GALNT2: variants seen among roughly 807,000 people sequenced by gnomAD.
The protein encoded by GALNT2 is polypeptide N-acetylgalactosaminyltransferase 2.
Under a neutral mutation model 81.4 loss-of-function variants are expected in GALNT2, and 31 were observed. The observed-to-expected ratio is 0.38, with a 90% CI of 0.29 to 0.51. GALNT2 has a LOEUF of 0.51. Ranked by LOEUF, GALNT2 falls within the 20% of genes least tolerant of loss-of-function variation. The probability of loss-of-function intolerance (pLI) is 0.87; values close to 1 mark genes in which losing one functional copy is unlikely to be tolerated. For missense variants in GALNT2, 629 were observed against 765.7 expected, an observed-to-expected ratio of 0.82 and a Z score of 2.11; for synonymous variants, 303 against 287.4, an observed-to-expected ratio of 1.05 and a Z score of -0.55.
At chr1:230,209,709 G>A (rs1664174739) in intron 3 of GALNT2, among the ~76,000 whole-genome samples, 1 of 152,146 alleles carries the variant, frequency 6.6e-6, no homozygotes, top group Non-Finnish European at 1.5e-5. Context: ...TGGGCATAGT[G>A]GCTCACACTT....
chr1:230,110,036 A>G (rs990135241), intron 1 of GALNT2, among the ~76,000 whole-genome samples: 2 of 152,150 alleles, frequency 1.3e-5, no homozygotes, highest in Admixed American at 6.5e-5. Context: ...TAGCACTGGG[A>G]GCCACGGCGT....
intron 14 of GALNT2, among the ~76,000 whole-genome samples, chr1:230,268,105 T>G (rs1309228230): frequency 1.3e-5 from 2 of 152,094 alleles, no homozygotes; most frequent in Non-Finnish European, 2.9e-5. Context: ...AGAACCATAG[T>G]GAAAATCCAC....
chr1:230,134,120 T>TG (rs1292666037), intron 1 of GALNT2, among the ~76,000 whole-genome samples: 3 of 132,934 alleles, frequency 2.3e-5, no homozygotes, highest in African/African-American at 6.0e-5. Context: ...CTGTTTTTTT[T>TG]TTTTTTTTTG....
Position 230,243,503 on chromosome 1 carries a change from G to A in GALNT2, c.729+76G>A. The A allele has an allele frequency of 6.4e-7, 1 of 1,558,438 alleles. No individual in the cohort carries two copies. Among genetic ancestry groups the A allele is most frequent in the Non-Finnish European group, 8.6e-7 (1 of 1,157,528 alleles). On this transcript the variant is annotated intron_variant, in intron 7 of 15. Coordinates refer to ENST00000366672, the MANE Select transcript of GALNT2 (RefSeq NM_004481.5). This position sits in a 1 kb window ranked among gnomAD's most constrained non-coding sequence, Gnocchi z 4.2. ...GGGGACAGAAGGGAGCATGGTCCAG[G>A]GGAGGTGTAACGCAGGGAGTAGGGC...
chr1:230,098,303 A>G (rs1052535544), intron 1 of GALNT2, among the ~76,000 whole-genome samples: 1 of 151,950 alleles, frequency 6.6e-6, no homozygotes, highest in Non-Finnish European at 1.5e-5. Flanking sequence ...CTCTGTTTGT[A>G]TGTAGTGTGA....
rs1290576785 is a variant in GALNT2 at position 230,067,418 on chromosome 1, G to A, written c.126+12G>A. 4.3e-5 allele frequency: 49 copies of A among 1,136,594 alleles called. No homozygotes were observed. The highest frequency in any genetic ancestry group is 3.9e-5 in the Non-Finnish European group (35 of 903,196). 70.4% of individuals were successfully genotyped at this position (1,136,594 alleles called of 1,614,324 possible). On this transcript the variant is annotated intron_variant, in intron 1 of 15. Transcript: ENST00000366672. ...GCGCCGGCAGGAAGGTGAGTGGAGC[G>A]CCCTGCCGCGGCCGGGCCCCTGCGC...
rs1663604649 is a variant in GALNT2 at position 230,193,877 on chromosome 1, G to C, written c.221-9260G>C. On this transcript the variant is annotated intron_variant, in intron 2 of 15. Transcript: ENST00000366672. This position sits in a 1 kb window ranked among gnomAD's most constrained non-coding sequence, Gnocchi z 4.3. ...GTCCTAGAGTGTCAGCCACAGAGCT[G>C]ATGCTGGCGGGGCCCCGAGCAGCCT... Among the ~76,000 whole-genome samples, 1 of 152,192 alleles carries C rather than the reference G, an allele frequency of 6.6e-6. No individual in the cohort carries two copies. Among genetic ancestry groups the C allele is most frequent in the African/African-American group, 2.4e-5 (1 of 41,450 alleles).
chr1:230,174,660 G>T (rs943120236), intron 1 of GALNT2, among the ~76,000 whole-genome samples: 1 of 151,976 alleles, frequency 6.6e-6, no homozygotes, highest in African/African-American at 2.4e-5. Flanking sequence ...TCTCCGCTCT[G>T]TCCCTCCGGG....
At chr1:230,161,514 C>A (rs1160301241) in intron 1 of GALNT2, among the ~76,000 whole-genome samples, 3 of 152,222 alleles carry the variant, frequency 2.0e-5, no homozygotes, top group African/African-American at 7.2e-5. Context: ...GTCCAGTCCC[C>A]AAAATCCATT....
At chr1:230,167,964 C>CT (rs1662666364) in intron 1 of GALNT2, among the ~76,000 whole-genome samples, 1 of 151,858 alleles carries the variant, frequency 6.6e-6, no homozygotes, top group Admixed American at 6.6e-5. Flanking sequence ...CTAAAATACC[C>CT]CCCCCTTTTT....
intron 1 of GALNT2, among the ~76,000 whole-genome samples, chr1:230,088,166 A>G (rs1188591384): frequency 2.0e-5 from 3 of 152,090 alleles, no homozygotes; most frequent in Admixed American, 2.0e-4. Context: ...TTAAGTGTAC[A>G]GTTTTGTAGT....
intron 9 of GALNT2, 148 bp downstream of exon 9, chr1:230,249,419 C>T: frequency 1.6e-6 from 1 of 637,270 alleles, no homozygotes; most frequent in Non-Finnish European, 2.8e-6. Context: ...AAGATGAGCA[C>T]CTTCCACCAG....
chr1:230,221,140 A>G (rs1408274658), intron 3 of GALNT2, among the ~76,000 whole-genome samples: 1 of 152,074 alleles, frequency 6.6e-6, no homozygotes, highest in African/African-American at 2.4e-5. Flanking sequence ...CAATGACAGT[A>G]AAATGACACT....
intron 1 of GALNT2, among the ~76,000 whole-genome samples, chr1:230,089,399 C>T (rs1272338208): frequency 1.3e-5 from 2 of 151,710 alleles, no homozygotes; most frequent in Non-Finnish European, 2.9e-5. Context: ...GTGATGTGCC[C>T]ACCTCGGCCT....
At chr1:230,171,536 A>G (rs72651069) in intron 1 of GALNT2, among the ~76,000 whole-genome samples, 5 of 152,202 alleles carry the variant, frequency 3.3e-5, no homozygotes, top group South Asian at 2.1e-4. Flanking sequence ...GCCTCTGACC[A>G]TATGTTCTAG....
chr1:230,061,482 G>C (rs1490426064), intron 1 of GALNT2, among the ~76,000 whole-genome samples: 1 of 152,014 alleles, frequency 6.6e-6, no homozygotes, highest in African/African-American at 2.4e-5. Context: ...GCACATAGCT[G>C]GCATACTTTG....
intron 12 of GALNT2, 63 bp from the exon 13 acceptor site, chr1:230,262,859 T>A: frequency 6.6e-7 from 1 of 1,520,846 alleles, no homozygotes; most frequent in Non-Finnish European, 9.1e-7. Context: ...ATTTTCAAGT[T>A]TGATGTAGAA....
chr1:230,187,554 T>C (rs1156352792), intron 2 of GALNT2, among the ~76,000 whole-genome samples: 1 of 152,200 alleles, frequency 6.6e-6, no homozygotes, highest in Non-Finnish European at 1.5e-5. Flanking sequence ...TACAGTGTGC[T>C]CTTAGATTTG....
At chr1:230,171,357 C>T (rs1303576891) in intron 1 of GALNT2, among the ~76,000 whole-genome samples, 1 of 152,198 alleles carries the variant, frequency 6.6e-6, no homozygotes, top group Non-Finnish European at 1.5e-5. Context: ...ATTATTACAT[C>T]ATTTAAAAAT....
Sources: gnomAD v4.1 joint callset for allele counts (sites outside exome capture counted in the v4.1 genomes callset) on GRCh38, gnomAD v4.1.1 for gene constraint, Gnocchi (gnomAD v3.1) non-coding constraint, MANE v1.5 for transcripts, NCBI Gene and HGNC (gene_info 2026-07-23, HGNC 2026-07-21) for gene names.